OSBPL1A: variants seen among roughly 807,000 people sequenced by gnomAD.
OSBPL1A encodes oxysterol binding protein like 1A.
A neutral mutation model predicts 137.1 loss-of-function variants in OSBPL1A; 80 were observed. The observed-to-expected ratio is 0.58, with a 90% CI of 0.49 to 0.70. The LOEUF (loss-of-function observed/expected upper bound fraction) is 0.70, where lower values mean the gene tolerates loss of function less well. Among genes scored for constraint, OSBPL1A ranks in the 30% least tolerant of loss-of-function variants. The probability of loss-of-function intolerance (pLI) is 0.00; values close to 1 mark genes in which losing one functional copy is unlikely to be tolerated. For missense variants in OSBPL1A, 970 were observed against 1,129.4 expected (o/e 0.86, Z 2.02); for synonymous variants, 365 against 389.7 (o/e 0.94, Z 0.75).
Position 24,179,824 on chromosome 18 carries a change from CG to C in OSBPL1A, c.1823del (p.Ala608GlyfsTer28). 1 of 1,613,996 alleles carries C rather than the reference CG, an allele frequency of 6.2e-7. No homozygotes were observed. Among genetic ancestry groups the C allele is most frequent in the Non-Finnish European group, 8.5e-7 (1 of 1,179,910 alleles). The stretch of plus-strand genomic sequence containing the variant: ...GAGAAGCAACAGCAGATACAGCAAA[CG>C]CAGCTACACACTGTGGGACAGAGCA... ...DPVERMQCVA[A>X]FAVSAVASQW... On this transcript the variant is annotated frameshift_variant, in exon 20 of 28. Transcript: ENST00000319481. LOFTEE classifies it high-confidence loss of function.
At chr18:24,282,513 C>T (rs933615694) in intron 14 of OSBPL1A, among the ~76,000 whole-genome samples, 1 of 151,950 alleles carries the variant, frequency 6.6e-6, no homozygotes, top group Non-Finnish European at 1.5e-5. Flanking sequence ...TGCCCTGGTC[C>T]TCTAAAGAAA....
At chr18:24,269,273 C>T (rs1360403676) in intron 15 of OSBPL1A, among the ~76,000 whole-genome samples, 2 of 152,194 alleles carry the variant, frequency 1.3e-5, no homozygotes, top group African/African-American at 2.4e-5. Flanking sequence ...AAGTTTCGAA[C>T]TCTATAAGCA....
chr18:24,197,773 GTTC>G (rs2087077380), intron 17 of OSBPL1A, among the ~76,000 whole-genome samples: 1 of 142,826 alleles, frequency 7.0e-6, no homozygotes, highest in Non-Finnish European at 1.5e-5. Flanking sequence ...CATCTATTTT[GTTC>G]TTTTCTTTTC....
At chr18:24,262,228 G>A (rs1165746924) in intron 15 of OSBPL1A, among the ~76,000 whole-genome samples, 1 of 152,162 alleles carries the variant, frequency 6.6e-6, no homozygotes, top group African/African-American at 2.4e-5. Flanking sequence ...CTTAAATACT[G>A]CAGAACATAT....
At chr18:24,209,871 G>A (rs1222615468) in intron 17 of OSBPL1A, among the ~76,000 whole-genome samples, 1 of 152,140 alleles carries the variant, frequency 6.6e-6, no homozygotes, top group Non-Finnish European at 1.5e-5. Flanking sequence ...GGAGAGTGGG[G>A]GATCGACTGA....
chr18:24,397,391 G>T (rs1465702204), intron 1 of OSBPL1A, among the ~76,000 whole-genome samples: 1 of 152,238 alleles, frequency 6.6e-6, no homozygotes, highest in Non-Finnish European at 1.5e-5. Context: ...CACCCGAGTG[G>T]GAAGTGCAAC....
At chr18:24,318,164 T>G (rs1599659293) in intron 9 of OSBPL1A, among the ~76,000 whole-genome samples, 1 of 151,978 alleles carries the variant, frequency 6.6e-6, no homozygotes, top group East Asian at 1.9e-4. Context: ...AAAAGTGGCT[T>G]GCCAGTCACG....
intron 17 of OSBPL1A, 99 bp from the exon 18 acceptor site, chr18:24,196,299 G>T: frequency 2.5e-6 from 2 of 807,958 alleles, no homozygotes; most frequent in Non-Finnish European, 4.0e-6. Flanking sequence ...GGCACAGAAA[G>T]ACCCTTTAAA....
rs963426412 is a variant in OSBPL1A at position 24,271,491 on chromosome 18, C to G, written c.1281+9351G>C. ...GGCTGCACCCCACTCTGCACACACA[C>G]GTCCAACTATTCTTGGATCTACTCA... On this transcript the variant is annotated intron_variant, in intron 15 of 27. Coordinates refer to ENST00000319481, the MANE Select transcript of OSBPL1A (RefSeq NM_080597.4). The surrounding 1 kb of genome is among the most constrained non-coding windows in gnomAD (Gnocchi z 4.0). The G allele has an allele frequency of 3.2e-6, 3 of 924,382 alleles. No homozygotes were observed. The highest frequency in any genetic ancestry group is 5.4e-4 in the Middle Eastern group (1 of 1,838). The allele number at this position is 924,382 out of a possible 1,614,324, so 57.3% of individuals were successfully genotyped here. A position where few individuals can be genotyped will look rare whatever the true frequency, so the allele number is the denominator to read the frequency against.
intron 7 of OSBPL1A, among the ~76,000 whole-genome samples, chr18:24,319,970 C>A (rs1448983776): frequency 4.9e-5 from 7 of 144,222 alleles, no homozygotes; most frequent in African/African-American, 1.8e-4. Flanking sequence ...TACAGTGAGA[C>A]CTTATCTCTA....
Position 24,368,382 on chromosome 18 carries a change from G to A in OSBPL1A, c.122-10C>T, listed in dbSNP as rs375655627. 2 of 1,595,890 alleles carry A rather than the reference G, an allele frequency of 1.3e-6. No homozygotes were observed. Among genetic ancestry groups the A allele is most frequent in the African/African-American group, 2.7e-5 (2 of 74,398 alleles). On this transcript the variant is annotated splice_polypyrimidine_tract_variant and intron_variant, in intron 2 of 27. Transcript: ENST00000319481. ...TTAGACTTACTTCTTCCTAAAAATG[G>A]AAAAATATAAGGTATTTTTAGGTCA... is the stretch of plus-strand genomic sequence containing the variant.
At position 24,175,720 on chromosome 18, in the gene OSBPL1A, C is replaced by T. The variant is rs28802132; in HGVS notation, c.2093+2293G>A. On this transcript the variant is annotated intron_variant, in intron 21 of 27. Coordinates refer to ENST00000319481, the MANE Select transcript of OSBPL1A (RefSeq NM_080597.4). ...ATCCATAAGAGTTCTTTGCCTAATCCAAAGTTGTAAGAGTTTCTCCTATGT... is the reference window on the plus strand; with the variant it reads ...ATCCATAAGAGTTCTTTGCCTAATCTAAAGTTGTAAGAGTTTCTCCTATGT... 8.3e-3 allele frequency among the ~76,000 whole-genome samples: 1,266 copies of T among 151,958 alleles called. 16 individuals carry two copies. Among genetic ancestry groups the T allele is most frequent in the African/African-American group, 0.029 (1,210 of 41,430 alleles).
At chr18:24,272,173 C>T in intron 15 of OSBPL1A, 2 of 983,712 alleles carry the variant, frequency 2.0e-6, no homozygotes, top group Non-Finnish European at 1.2e-6. Context: ...CGCGCCGAGG[C>T]GCCTGCGAGG....
intron 16 of OSBPL1A, among the ~76,000 whole-genome samples, chr18:24,233,539 T>A (rs778895350): frequency 1.3e-5 from 2 of 152,226 alleles, no homozygotes; most frequent in African/African-American, 2.4e-5. Context: ...TTCAACAACC[T>A]GCATTCGACA....
intron 7 of OSBPL1A, among the ~76,000 whole-genome samples, chr18:24,319,596 A>G (rs1456092265): frequency 1.3e-5 from 2 of 152,222 alleles, no homozygotes; most frequent in Admixed American, 1.3e-4. Flanking sequence ...GTTTTGCCCA[A>G]CAACAACAAA....
At chr18:24,192,711 T>C (rs988090074) in intron 18 of OSBPL1A, among the ~76,000 whole-genome samples, 3 of 152,124 alleles carry the variant, frequency 2.0e-5, no homozygotes, top group Non-Finnish European at 4.4e-5. Context: ...GGGGCCAAGA[T>C]GACAAATGCA....
intron 15 of OSBPL1A, among the ~76,000 whole-genome samples, chr18:24,269,689 T>C (rs1391507916): frequency 6.6e-6 from 1 of 152,166 alleles, no homozygotes; most frequent in Admixed American, 6.5e-5. Flanking sequence ...ATATAACTCA[T>C]GCAAAATTAA....
At chr18:24,269,298 C>T (rs1481447275) in intron 15 of OSBPL1A, among the ~76,000 whole-genome samples, 2 of 152,170 alleles carry the variant, frequency 1.3e-5, no homozygotes, top group Non-Finnish European at 2.9e-5. Context: ...TTACAAAGTC[C>T]TTCAAAAGGA....
At chr18:24,331,705 T>C (rs112687025) in intron 7 of OSBPL1A, among the ~76,000 whole-genome samples, 703 of 152,332 alleles carry the variant, frequency 4.6e-3, no homozygotes, top group Non-Finnish European at 8.0e-3. Flanking sequence ...GGCATGTTCC[T>C]CTTTTAAATA....
Sources: gnomAD v4.1 joint callset for allele counts (sites outside exome capture counted in the v4.1 genomes callset) on GRCh38, gnomAD v4.1.1 for gene constraint, Gnocchi (gnomAD v3.1) non-coding constraint, MANE v1.5 for transcripts, NCBI Gene and HGNC (gene_info 2026-07-23, HGNC 2026-07-21) for gene names.